Variants in STAU2 observed in about 807,000 individuals in gnomAD.
STAU2 encodes the protein double-stranded RNA-binding protein Staufen homolog 2.
In STAU2, 20 loss-of-function variants were observed where a neutral mutation model predicts 65.9. That is an observed-to-expected ratio of 0.30 (90% CI 0.21 to 0.44). The LOEUF is 0.44. STAU2 is among the 20% of genes least tolerant of loss of function. The pLI is 1.00. For missense variants in STAU2, 558 were observed against 683.9 expected, an observed-to-expected ratio of 0.82 and a Z score of 2.05; for synonymous variants, 232 against 233.9, an observed-to-expected ratio of 0.99 and a Z score of 0.07.
chr8:73,438,804 C>A (rs1343343783), intron 13 of STAU2: 3 of 386,200 alleles, frequency 7.8e-6, no homozygotes, highest in Non-Finnish European at 1.5e-5. Context: ...GGGGACAAGG[C>A]CACATAGGTA....
intron 6 of STAU2, among the ~76,000 whole-genome samples, chr8:73,641,437 T>C (rs921879673): frequency 2.0e-5 from 3 of 152,208 alleles, no homozygotes; most frequent in Non-Finnish European, 4.4e-5. Flanking sequence ...TGAAATGTCT[T>C]AGAAAACTCA....
chr8:73,603,817 G>T lies in STAU2; in HGVS notation c.938C>A (p.Ala313Glu), dbSNP rs752254966. The T allele has an allele frequency of 1.2e-6, 2 of 1,611,946 alleles. No individual in the cohort carries two copies. The highest frequency in any genetic ancestry group is 1.7e-6 in the Non-Finnish European group (2 of 1,179,804). The part of the protein sequence containing the change: ...GQGMNPISRL[A>E]QIQQAKKEKE... ...TTCCTTTTTGGCCTGTTGAATTTGC[G>T]CCAGGCGGCTAATAGGGTTCATCCC... The change falls in exon 10 of 15, where the codon GCG becomes GAG. Residue 313 changes from alanine (A) to glutamate (E), a missense_variant. Ala to Glu is a moderately radical substitution (Grantham distance 107, BLOSUM62 -1). This residue lies in a region of STAU2 where 199 missense variants were observed against 299.5 expected (regional missense o/e 0.66). Coordinates refer to ENST00000524300, the MANE Select transcript of STAU2 (RefSeq NM_001164380.2).
intron 13 of STAU2, among the ~76,000 whole-genome samples, chr8:73,498,418 T>C (rs769315451): frequency 2.6e-5 from 4 of 151,814 alleles, no homozygotes; most frequent in African/African-American, 4.8e-5. Context: ...ATTGATTCCA[T>C]AGGTAAATAA....
intron 4 of STAU2, among the ~76,000 whole-genome samples, chr8:73,706,152 T>C (rs1054832453): frequency 6.6e-6 from 1 of 152,104 alleles, no homozygotes; most frequent in Non-Finnish European, 1.5e-5. Flanking sequence ...AGTCTCACTC[T>C]GTAGCCCAAA....
At chr8:73,528,503 C>T (rs1805591404) in intron 13 of STAU2, among the ~76,000 whole-genome samples, 3 of 152,156 alleles carry the variant, frequency 2.0e-5, no homozygotes, top group Admixed American at 1.3e-4. Flanking sequence ...AAGAAAATTT[C>T]CATCCTTCCA....
At chr8:73,551,639 G>C in intron 13 of STAU2, 1 of 995,724 alleles carries the variant, frequency 1.0e-6, no homozygotes, top group Non-Finnish European at 1.2e-6. Context: ...AAAAAAGGGA[G>C]AACTGAGTGT....
intron 13 of STAU2, among the ~76,000 whole-genome samples, chr8:73,480,665 G>A (rs4738367): frequency 0.65 from 98,260 of 152,018 alleles, 32,288 homozygotes; most frequent in East Asian, 0.91. Flanking sequence ...GGTAATGCCT[G>A]TGAGAGACTG....
intron 13 of STAU2, among the ~76,000 whole-genome samples, chr8:73,447,327 T>G (rs890331124): frequency 6.6e-6 from 1 of 152,222 alleles, no homozygotes; most frequent in African/African-American, 2.4e-5. Flanking sequence ...TCTGCAACTT[T>G]TTTTTCCCAC....
At chr8:73,687,774 C>T (rs1173372564) in intron 5 of STAU2, among the ~76,000 whole-genome samples, 7 of 151,686 alleles carry the variant, frequency 4.6e-5, no homozygotes, top group African/African-American at 9.7e-5. Context: ...TGCAGTGGCA[C>T]GATCTTGGCT....
At chr8:73,642,579 G>C (rs148709808) in intron 6 of STAU2, among the ~76,000 whole-genome samples, 1 of 151,722 alleles carries the variant, frequency 6.6e-6, no homozygotes, top group African/African-American at 2.4e-5. Context: ...ACCAAATTTC[G>C]TAAAATAGCC....
intron 11 of STAU2, among the ~76,000 whole-genome samples, chr8:73,586,565 C>T (rs1205156116): frequency 6.8e-6 from 1 of 146,174 alleles, no homozygotes; most frequent in Non-Finnish European, 1.5e-5. Context: ...ACTCTTTTCT[C>T]ATTTGCCCCT....
chr8:73,549,850 G>A (rs1807198400), intron 13 of STAU2: 1 of 985,332 alleles, frequency 1.0e-6, no homozygotes, highest in African/African-American at 1.7e-5. Flanking sequence ...TGTATAATCT[G>A]TAACAAGCTG....
intron 13 of STAU2, among the ~76,000 whole-genome samples, chr8:73,471,806 G>C (rs4563878): frequency 7.6e-6 from 1 of 132,440 alleles, no homozygotes; most frequent in African/African-American, 2.8e-5. Context: ...CAACAAGGGC[G>C]AGACTCCAAC....
chr8:73,700,669 G>A (rs560092952), intron 4 of STAU2, among the ~76,000 whole-genome samples: 2 of 151,340 alleles, frequency 1.3e-5, no homozygotes, highest in East Asian at 3.9e-4. Context: ...AGAAACTGAA[G>A]AGGACATGAA....
At chr8:73,445,067 T>A (rs1029748318) in intron 13 of STAU2, among the ~76,000 whole-genome samples, 13 of 152,218 alleles carry the variant, frequency 8.5e-5, no homozygotes, top group African/African-American at 3.1e-4. Flanking sequence ...ACCTCATGAA[T>A]AAAAAGAGAG....
At chr8:73,511,322 C>T (rs1822390084) in intron 13 of STAU2, 2 of 153,112 alleles carry the variant, frequency 1.3e-5, no homozygotes, top group Admixed American at 1.3e-4. Context: ...TCCTCATCTT[C>T]TTCTTCCCTC....
chr8:73,451,557 T>C (rs1818802318), intron 13 of STAU2, among the ~76,000 whole-genome samples: 2 of 151,718 alleles, frequency 1.3e-5, no homozygotes, highest in African/African-American at 2.4e-5. Context: ...TGAAGCAGGC[T>C]GGGCTACCCA....
intron 11 of STAU2, among the ~76,000 whole-genome samples, chr8:73,586,542 A>G (rs1810387435): frequency 6.6e-6 from 1 of 151,918 alleles, no homozygotes; most frequent in African/African-American, 2.4e-5. Flanking sequence ...ATACTGAAAA[A>G]TAAGATTCCA....
intron 6 of STAU2, among the ~76,000 whole-genome samples, chr8:73,647,405 A>G (rs1815475071): frequency 6.6e-6 from 1 of 152,240 alleles, no homozygotes; most frequent in Non-Finnish European, 1.5e-5. Context: ...TACTATTCAA[A>G]AAGTCACATA....
Sources: gnomAD v4.1 joint callset for allele counts (sites outside exome capture counted in the v4.1 genomes callset) on GRCh38, gnomAD v4.1.1 for gene constraint, gnomAD v4.1.1 regional missense constraint, MANE v1.5 for transcripts, NCBI Gene and HGNC (gene_info 2026-07-23, HGNC 2026-07-21) for gene names.